Variants in RIT2 observed in about 807,000 individuals in gnomAD.
RIT2 encodes Ras like without CAAX 2.
In RIT2, 24 loss-of-function variants were observed where a neutral mutation model predicts 23.7. The ratio of observed to expected loss-of-function variants is 1.01; its 90% CI spans 0.73 to 1.43. The LOEUF (loss-of-function observed/expected upper bound fraction) is 1.43, where lower values mean the gene tolerates loss of function less well. Among genes scored for constraint, RIT2 ranks in the 40% most tolerant of loss-of-function variants. The pLI is 0.00. For missense variants in RIT2, 236 were observed against 266.9 expected (o/e 0.88, Z 0.81); for synonymous variants, 107 against 91.1 (o/e 1.17, Z -0.99).
At chr18:42,965,747 A>ATTTTTTT (rs1910207349) in intron 3 of RIT2, among the ~76,000 whole-genome samples, 2 of 24,728 alleles carry the variant, frequency 8.1e-5, no homozygotes, top group Non-Finnish European at 1.8e-4. Context: ...TTTTTTTTTC[A>ATTTTTTT]GAATTCTTCC....
chr18:42,904,826 G>C (rs908985076), intron 4 of RIT2, among the ~76,000 whole-genome samples: 2 of 152,036 alleles, frequency 1.3e-5, no homozygotes, highest in African/African-American at 4.8e-5. Context: ...ACAGAACGGG[G>C]CGTCAAAAGA....
chr18:42,760,015 G>A (rs1913264743), intron 4 of RIT2, among the ~76,000 whole-genome samples: 3 of 152,068 alleles, frequency 2.0e-5, no homozygotes, highest in Non-Finnish European at 2.9e-5. Flanking sequence ...GACCTCAAGT[G>A]ATCCACCGGC....
chr18:42,900,775 A>T (rs1269561896), intron 4 of RIT2, among the ~76,000 whole-genome samples: 1 of 152,104 alleles, frequency 6.6e-6, no homozygotes, highest in East Asian at 1.9e-4. Context: ...AAAAACTTAG[A>T]TGTTTGTGAA....
intron 2 of RIT2, among the ~76,000 whole-genome samples, chr18:43,004,671 C>A (rs1177961091): frequency 6.6e-6 from 1 of 151,842 alleles, no homozygotes; most frequent in Non-Finnish European, 1.5e-5. Context: ...CTGCTTCATA[C>A]TCATCCTCCA....
chr18:42,888,695 G>T (rs1236957573), intron 4 of RIT2, among the ~76,000 whole-genome samples: 1 of 151,988 alleles, frequency 6.6e-6, no homozygotes, highest in Non-Finnish European at 1.5e-5. Flanking sequence ...TAAAGAAAAT[G>T]CAGTACATAT....
intron 1 of RIT2, among the ~76,000 whole-genome samples, chr18:43,092,174 A>G (rs1306466667): frequency 1.3e-5 from 2 of 152,052 alleles, no homozygotes; most frequent in Non-Finnish European, 2.9e-5. Context: ...GATTCTTTAG[A>G]TTGTAGATGC....
chr18:42,959,219 C>T (rs987922108), intron 3 of RIT2, among the ~76,000 whole-genome samples: 1 of 152,106 alleles, frequency 6.6e-6, no homozygotes. Context: ...ATTTCTATTG[C>T]TTACAAAATA....
At chr18:42,904,188 C>G (rs977779274) in intron 4 of RIT2, among the ~76,000 whole-genome samples, 1 of 152,100 alleles carries the variant, frequency 6.6e-6, no homozygotes, top group Non-Finnish European at 1.5e-5. Flanking sequence ...TACTCTATTT[C>G]TATATTGCAT....
chr18:42,928,200 C>T, intron 3 of RIT2, among the ~76,000 whole-genome samples: 1 of 151,830 alleles, frequency 6.6e-6, no homozygotes, highest in East Asian at 1.9e-4. Flanking sequence ...AACACTGTAC[C>T]AAGTGGTAGG....
intron 4 of RIT2, among the ~76,000 whole-genome samples, chr18:42,839,293 C>T (rs1309463441): frequency 1.3e-5 from 2 of 152,000 alleles, no homozygotes; most frequent in East Asian, 3.9e-4. Context: ...AATCAATAAA[C>T]ATTAGAAGAG....
chr18:42,808,332 T>A (rs1240606175), intron 4 of RIT2, among the ~76,000 whole-genome samples: 1 of 152,182 alleles, frequency 6.6e-6, no homozygotes, highest in African/African-American at 2.4e-5. Flanking sequence ...AATGATGTAC[T>A]TCATAGAAAA....
intron 4 of RIT2, among the ~76,000 whole-genome samples, chr18:42,879,263 T>C (rs1221326913): frequency 6.6e-6 from 1 of 152,186 alleles, no homozygotes; most frequent in Non-Finnish European, 1.5e-5. Flanking sequence ...CATTTTCTCC[T>C]GTATTGTTCT....
chr18:42,784,270 T>TAAA (rs34931428), intron 4 of RIT2, among the ~76,000 whole-genome samples: 2 of 142,232 alleles, frequency 1.4e-5, no homozygotes, highest in African/African-American at 5.0e-5. Flanking sequence ...TCCCTTGCGC[T>TAAA]AAAAAAAAAA....
chr18:43,020,336 TTAGCTAGGCATGG>T (rs1911567684), intron 2 of RIT2, among the ~76,000 whole-genome samples: 1 of 151,812 alleles, frequency 6.6e-6, no homozygotes, highest in African/African-American at 2.4e-5. Context: ...AATACAAAAA[TTAGCTAGGCATGG>T]TAGCTCATGC....
intron 4 of RIT2, among the ~76,000 whole-genome samples, chr18:42,837,153 C>CTTTTTTTT (rs570701535): frequency 0.029 from 1,521 of 51,730 alleles, 196 homozygotes; most frequent in Middle Eastern, 0.056. Context: ...TTTTCTTTTT[C>CTTTTTTTT]TTTTTTTTTT....
chr18:42,792,450 C>T (rs916259304), intron 4 of RIT2, among the ~76,000 whole-genome samples: 2 of 152,154 alleles, frequency 1.3e-5, no homozygotes, highest in Non-Finnish European at 2.9e-5. Flanking sequence ...AATTCCATTG[C>T]TATTTTCCAA....
intron 4 of RIT2, among the ~76,000 whole-genome samples, chr18:42,896,715 C>T (rs1908339911): frequency 6.6e-6 from 1 of 152,206 alleles, no homozygotes; most frequent in South Asian, 2.1e-4. Flanking sequence ...ACTGATTTAT[C>T]AGAAAGTATT....
intron 1 of RIT2, among the ~76,000 whole-genome samples, chr18:43,104,962 CA>C (rs550853449): frequency 1.3e-5 from 2 of 152,078 alleles, no homozygotes; most frequent in Non-Finnish European, 2.9e-5. Flanking sequence ...AAACAATACA[CA>C]AATTGGAAAA....
intron 4 of RIT2, among the ~76,000 whole-genome samples, chr18:42,909,408 C>A (rs1475971429): frequency 6.6e-6 from 1 of 152,052 alleles, no homozygotes; most frequent in Non-Finnish European, 1.5e-5. Context: ...TCTCAGAAAT[C>A]ACAACTAAAG....
Sources: allele counts gnomAD v4.1 joint callset (sites outside exome capture counted in the v4.1 genomes callset), GRCh38; gene constraint gnomAD v4.1.1; transcripts MANE v1.5; gene names NCBI Gene and HGNC (gene_info 2026-07-23, HGNC 2026-07-21).